Variants in GRIA4 observed in about 807,000 individuals in gnomAD.
GRIA4 encodes the protein glutamate ionotropic receptor AMPA type subunit 4, also known as glutamate receptor 4.
In GRIA4, 34 loss-of-function variants were observed where a neutral mutation model predicts 104.0. The observed-to-expected ratio is 0.33, with a 90% CI of 0.25 to 0.44. GRIA4 has a LOEUF of 0.44. GRIA4 is among the 20% of genes least tolerant of loss of function. The pLI is 1.00. For missense variants in GRIA4, 750 were observed against 1,096.5 expected, an observed-to-expected ratio of 0.68 and a Z score of 4.46; for synonymous variants, 386 against 381.9, an observed-to-expected ratio of 1.01 and a Z score of -0.13.
intron 14 of GRIA4, among the ~76,000 whole-genome samples, chr11:105,962,919 C>T (rs1386188547): frequency 6.6e-6 from 1 of 152,120 alleles, no homozygotes; most frequent in Non-Finnish European, 1.5e-5. Flanking sequence ...TTCTTCTACA[C>T]TTATCTGCTT....
chr11:105,830,030 T>C (rs1056942540), intron 4 of GRIA4, among the ~76,000 whole-genome samples: 10 of 151,996 alleles, frequency 6.6e-5, no homozygotes, highest in African/African-American at 2.4e-4. Flanking sequence ...CTGAAAGGAC[T>C]GAAAGGACAT....
At chr11:105,972,341 T>C (rs1468131438) in intron 15 of GRIA4, among the ~76,000 whole-genome samples, 1 of 152,184 alleles carries the variant, frequency 6.6e-6, no homozygotes, top group African/African-American at 2.4e-5. Flanking sequence ...TTTTTGTTTG[T>C]TTTGGAGGCA....
At chr11:105,624,311 A>G (rs1219916668) in intron 3 of GRIA4, among the ~76,000 whole-genome samples, 2 of 152,090 alleles carry the variant, frequency 1.3e-5, no homozygotes, top group East Asian at 3.8e-4. Flanking sequence ...GACAAAAGAA[A>G]TTCAAAATGC....
intron 4 of GRIA4, among the ~76,000 whole-genome samples, chr11:105,844,982 G>A (rs1421320167): frequency 1.3e-5 from 2 of 152,234 alleles, no homozygotes; most frequent in Non-Finnish European, 2.9e-5. Flanking sequence ...TAGTAGTTGT[G>A]TGACCTTGGT....
intron 3 of GRIA4, among the ~76,000 whole-genome samples, chr11:105,637,544 A>G (rs903035612): frequency 6.6e-6 from 1 of 152,190 alleles, no homozygotes; most frequent in African/African-American, 2.4e-5. Flanking sequence ...GAAAAGTCAA[A>G]TAAATACTCT....
chr11:105,652,092 A>T (rs1178703767), intron 3 of GRIA4, among the ~76,000 whole-genome samples: 1 of 152,176 alleles, frequency 6.6e-6, no homozygotes, highest in Non-Finnish European at 1.5e-5. Flanking sequence ...AAAAACCCTT[A>T]TGCCTATAGA....
At chr11:105,906,354 T>A (rs1459627960) in intron 9 of GRIA4, among the ~76,000 whole-genome samples, 2 of 152,190 alleles carry the variant, frequency 1.3e-5, no homozygotes, top group African/African-American at 4.8e-5. Context: ...AAGAGATGAT[T>A]TCCTGCTGGA....
At chr11:105,656,602 A>G (rs10895852) in intron 3 of GRIA4, among the ~76,000 whole-genome samples, 78,682 of 151,730 alleles carry the variant, frequency 0.52, 20,663 homozygotes, top group Admixed American at 0.61. Flanking sequence ...CAGAATGGGA[A>G]AAAAAATTTG....
chr11:105,738,957 A>C (rs57721191), intron 3 of GRIA4, among the ~76,000 whole-genome samples: 5,216 of 148,578 alleles, frequency 0.035, 206 homozygotes, highest in African/African-American at 0.092. Flanking sequence ...AAAAAAACCC[A>C]AAAAAAAACC....
intron 14 of GRIA4, among the ~76,000 whole-genome samples, chr11:105,958,801 C>T (rs1430739728): frequency 6.6e-6 from 1 of 152,076 alleles, no homozygotes; most frequent in Non-Finnish European, 1.5e-5. Flanking sequence ...GCAACGCAGC[C>T]CTGGTAGTAA....
chr11:105,898,345 A>G lies in GRIA4; in HGVS notation c.803A>G (p.Asn268Ser), dbSNP rs367640947. ...NVTGFQLVDFNTPMVIKLMDR... is the reference protein window; with the variant it reads ...NVTGFQLVDFSTPMVIKLMDR... ...ACTGGATTCCAGTTGGTGGATTTTA[A>G]TACACCTATGGTAATCAAACTAATG... is the stretch of plus-strand genomic sequence containing the variant. Residue 268 changes from asparagine to serine, a missense_variant, in exon 7 of 17, where the codon AAT (asparagine) becomes AGT (serine). Asn to Ser is a conservative substitution (Grantham distance 46). This residue lies in a region of GRIA4 where 410 missense variants were observed against 502.7 expected (regional missense o/e 0.82). Transcript: ENST00000282499. 7 of 1,582,406 alleles carry G rather than the reference A, an allele frequency of 4.4e-6. No individual in the cohort carries two copies. In the Middle Eastern group the frequency reaches 6.6e-4, roughly 150 times the overall value.
chr11:105,819,342 T>C (rs757252739), intron 4 of GRIA4, among the ~76,000 whole-genome samples: 1 of 152,168 alleles, frequency 6.6e-6, no homozygotes, highest in Non-Finnish European at 1.5e-5. Context: ...TTTCCTCATC[T>C]GTAAAATAAA....
intron 3 of GRIA4, among the ~76,000 whole-genome samples, chr11:105,742,220 T>G (rs1055326837): frequency 3.9e-5 from 6 of 152,284 alleles, no homozygotes; most frequent in Admixed American, 1.3e-4. Context: ...AAACTTGAAC[T>G]ACTTTCAAAC....
chr11:105,758,901 T>C (rs775701993), intron 4 of GRIA4, among the ~76,000 whole-genome samples: 1 of 152,142 alleles, frequency 6.6e-6, no homozygotes, highest in Admixed American at 6.6e-5. Flanking sequence ...TTATATCAAA[T>C]AGAAATTTTC....
chr11:105,727,496 G>C (rs1938289675), intron 3 of GRIA4, among the ~76,000 whole-genome samples: 1 of 152,184 alleles, frequency 6.6e-6, no homozygotes, highest in South Asian at 2.1e-4. Flanking sequence ...TAGCAAGACA[G>C]GCCAACATTC....
chr11:105,915,934 A>T (rs79398948), intron 10 of GRIA4, among the ~76,000 whole-genome samples: 1,719 of 152,274 alleles, frequency 0.011, 15 homozygotes, highest in Non-Finnish European at 0.018. Context: ...CTGTAATTGC[A>T]GCACTTTTGG....
chr11:105,929,192 G>A (rs574437347), intron 13 of GRIA4, among the ~76,000 whole-genome samples: 1 of 151,942 alleles, frequency 6.6e-6, no homozygotes, highest in African/African-American at 2.4e-5. Context: ...TAAACCATTT[G>A]TCTGATGGGC....
chr11:105,955,269 C>T (rs1056240277), intron 14 of GRIA4, among the ~76,000 whole-genome samples: 2 of 152,022 alleles, frequency 1.3e-5, no homozygotes, highest in Admixed American at 1.3e-4. Flanking sequence ...GTTCCCTCCC[C>T]TCACCCCCAA....
At chr11:105,859,286 G>A (rs1945131146) in intron 4 of GRIA4, among the ~76,000 whole-genome samples, 1 of 152,130 alleles carries the variant, frequency 6.6e-6, no homozygotes, top group South Asian at 2.1e-4. Context: ...ATTACTGCAT[G>A]TCCTTTGCAC....
Sources: gnomAD v4.1 joint callset for allele counts (sites outside exome capture counted in the v4.1 genomes callset) on GRCh38, gnomAD v4.1.1 for gene constraint, gnomAD v4.1.1 regional missense constraint, MANE v1.5 for transcripts, NCBI Gene and HGNC (gene_info 2026-07-23, HGNC 2026-07-21) for gene names.